Variants in SOWAHA observed in about 807,000 individuals in gnomAD.
The protein encoded by SOWAHA is ankyrin repeat domain-containing protein SOWAHA.
SOWAHA carries 17 observed loss-of-function variants against 21.1 expected under a neutral mutation model. The ratio of observed to expected loss-of-function variants is 0.80; its 90% CI spans 0.55 to 1.21. The LOEUF is 1.21. SOWAHA is among the 50% of genes most tolerant of loss of function. The pLI, the probability that SOWAHA is intolerant of heterozygous loss-of-function variation, is 0.00. For synonymous variants in SOWAHA, 422 were observed against 397.1 expected, an observed-to-expected ratio of 1.06 and a Z score of -0.75; for missense variants, 862 against 816.0, an observed-to-expected ratio of 1.06 and a Z score of -0.69.
Position 132,814,321 on chromosome 5 carries a change from G to T in SOWAHA, c.700G>T (p.Ala234Ser). 1 of 1,485,950 alleles carries T rather than the reference G, an allele frequency of 6.7e-7. No homozygotes were observed. The highest frequency in any genetic ancestry group is 1.3e-5 in the South Asian group (1 of 78,162). The allele number at this position is 1,485,950 out of a possible 1,614,324, so 92.0% of individuals were successfully genotyped here. ...GGCCCCCGCCACGCTCCGCCTCCGG[G>T]CGGAGGAGCCCGGCCTGCGCCGGCA... is the stretch of plus-strand genomic sequence containing the variant. ...VPAPATLRLR[A>S]EEPGLRRQLS... Residue 234 changes from alanine to serine, a missense_variant, in exon 1 of 1, where the codon GCG becomes TCG. Coordinates refer to ENST00000378693, the MANE Select transcript of SOWAHA (RefSeq NM_175873.6).
In SOWAHA at chr5:132,814,691, G is replaced by T; in HGVS notation, c.1070G>T (p.Gly357Val). The T allele has an allele frequency of 1.3e-6, 2 of 1,513,608 alleles. No homozygotes were observed. Among genetic ancestry groups the T allele is most frequent in the Non-Finnish European group, 8.8e-7 (1 of 1,134,990 alleles). 93.8% of individuals were successfully genotyped at this position (1,513,608 alleles called of 1,614,324 possible). Residue 357 changes from glycine (G) to valine (V), a missense_variant, in exon 1 of 1, where the codon GGC (glycine) becomes GTC (valine). By Grantham distance (109) the Gly-to-Val change is moderately radical. Coordinates refer to ENST00000378693, the MANE Select transcript of SOWAHA (RefSeq NM_175873.6). Reference protein sequence around the residue: ...FTALHWAAKSGDGEMALQLVE... With the variant: ...FTALHWAAKSVDGEMALQLVE... ...GCCCTGCATTGGGCCGCCAAGAGCG[G>T]CGACGGCGAGATGGCGCTGCAGCTG...
chr5:132,814,726 G>T lies in SOWAHA; in HGVS notation c.1105G>T (p.Ala369Ser), dbSNP rs369296792. The T allele has an allele frequency of 2.2e-5, 33 of 1,513,216 alleles. No homozygotes were observed. The East Asian group carries it at 8.2e-4, about 38-fold the overall frequency. 93.7% of individuals were successfully genotyped at this position (1,513,216 alleles called of 1,614,324 possible). A position where few individuals can be genotyped will look rare whatever the true frequency, so the allele number is the denominator to read the frequency against. The change falls in exon 1 of 1, where the codon GCG becomes TCG. Residue 369 changes from alanine (A) to serine (S), a missense_variant. Ala to Ser is a moderately conservative substitution (Grantham distance 99). Coordinates refer to ENST00000378693, the MANE Select transcript of SOWAHA (RefSeq NM_175873.6). ...GATGGCGCTGCAGCTGGTGGAGGTC[G>T]CGCGGCGCAGTGGCGCACCAGTCGA... ...GEMALQLVEV[A>S]RRSGAPVDVN...
At position 132,813,815 on chromosome 5, in the gene SOWAHA, TGGCGGTGG is replaced by T. The variant is rs770079696; in HGVS notation, c.195_202del (p.Ala66GlufsTer101). On this transcript the variant is annotated frameshift_variant, in exon 1 of 1. Transcript: ENST00000378693. LOFTEE classifies it high-confidence loss of function. The stretch of plus-strand genomic sequence containing the variant: ...CGCTTCAAGCAGTTCGTCAACAACG[TGGCGGTGG>T]TGAAGGAGCTCGACGGCGTCAAGTT... 6.5e-7 allele frequency: 1 copy of T among 1,549,124 alleles called. No individual in the cohort carries two copies. The highest frequency in any genetic ancestry group is 8.7e-7 in the Non-Finnish European group (1 of 1,146,332).
At position 132,813,806 on chromosome 5, in the gene SOWAHA, TCAA is replaced by T. The variant is rs1377279583; in HGVS notation, c.190_192del (p.Asn64del). 1.3e-6 allele frequency: 2 copies of T among 1,549,198 alleles called. No individual in the cohort carries two copies. The highest frequency in any genetic ancestry group is 1.7e-6 in the Non-Finnish European group (2 of 1,146,292). On this transcript the variant is annotated inframe_deletion, in exon 1 of 1. Transcript: ENST00000378693. The stretch of plus-strand genomic sequence containing the variant: ...CGCAGGGACCGCTTCAAGCAGTTCG[TCAA>T]CAACGTGGCGGTGGTGAAGGAGCTC...
rs1203908375 is a variant in SOWAHA, at chr5:132,814,077, C to G, written c.456C>G (p.Pro152=). The part of the protein sequence containing the change: ...QDTPGGPASE[P]AQPPGERSAD... ...CCCCGGGGGGGCCGGCCTCCGAGCC[C>G]GCTCAGCCGCCCGGGGAGCGGTCCG... Residue 152 remains proline (P), a synonymous_variant, in exon 1 of 1, where the codon CCC becomes CCG. Coordinates refer to ENST00000378693, the MANE Select transcript of SOWAHA (RefSeq NM_175873.6). The G allele has an allele frequency of 6.3e-7, 1 of 1,581,976 alleles. No homozygotes were observed. The highest frequency in any genetic ancestry group is 8.5e-7 in the Non-Finnish European group (1 of 1,170,274).
In SOWAHA at chr5:132,815,627, C is replaced by T. The variant is rs1019019634; in HGVS notation, c.*356C>T. On this transcript the variant is annotated 3_prime_UTR_variant, in exon 1 of 1. Coordinates refer to ENST00000378693, the MANE Select transcript of SOWAHA (RefSeq NM_175873.6). The stretch of plus-strand genomic sequence containing the variant: ...GCAGCTACACAATCCCAAGACAGAG[C>T]TAGAGCAAGGGTCTCTTTAAATGTT... 7 of 212,284 alleles carry T rather than the reference C, an allele frequency of 3.3e-5. No individual in the cohort carries two copies. Among genetic ancestry groups the T allele is most frequent in the African/African-American group, 1.4e-4 (6 of 43,182 alleles). 13.2% of individuals were successfully genotyped at this position (212,284 alleles called of 1,614,324 possible).
At position 132,814,516 on chromosome 5, in the gene SOWAHA, G is replaced by GCGC; in HGVS notation, c.904_906dup (p.Pro302dup). 1 of 1,369,294 alleles carries GCGC rather than the reference G, an allele frequency of 7.3e-7. No homozygotes were observed. Among genetic ancestry groups the GCGC allele is most frequent in the Non-Finnish European group, 9.3e-7 (1 of 1,072,672 alleles). 84.8% of individuals were successfully genotyped at this position (1,369,294 alleles called of 1,614,324 possible). Reference sequence around the variant, plus strand: ...CCCTGACGCCGAGGAGTTGCCCGCCGCGCCGCCGCCGTCCGCGGTGCCCCT... The same window carrying GCGC: ...CCCTGACGCCGAGGAGTTGCCCGCCGCGCCGCCGCCGCCGTCCGCGGTGCCCCT... On this transcript the variant is annotated inframe_insertion, in exon 1 of 1. Coordinates refer to ENST00000378693, the MANE Select transcript of SOWAHA (RefSeq NM_175873.6).
Position 132,814,261 on chromosome 5 carries a change from C to T in SOWAHA, c.640C>T (p.Gln214Ter). The change falls in exon 1 of 1, where the codon CAG becomes TAG. Residue 214 changes from glutamine (Q) to a stop codon, truncating the protein, a stop_gained. Transcript: ENST00000378693. LOFTEE classifies it high-confidence loss of function. ...GPGAAKGPPQ[Q>*]KPCMLPVRCV... ...CGGGGCAGCGAAAGGGCCGCCGCAG[C>T]AGAAGCCCTGTATGCTGCCGGTGCG... The T allele has an allele frequency of 6.5e-7, 1 of 1,529,058 alleles. No individual in the cohort carries two copies. 94.7% of individuals were successfully genotyped at this position (1,529,058 alleles called of 1,614,324 possible).
At position 132,814,464 on chromosome 5, in the gene SOWAHA, G is replaced by A. The variant is rs1043119032; in HGVS notation, c.843G>A (p.Leu281=). ...GPGRSPHLRR[L]SRAGPRLLSP... ...GCCGCTCCCCGCACCTGAGGCGCCT[G>A]TCGCGCGCCGGCCCGCGTCTGCTGA... Residue 281 remains leucine (L), a synonymous_variant, in exon 1 of 1, where the codon CTG becomes CTA. Transcript: ENST00000378693. 3 of 1,448,462 alleles carry A rather than the reference G, an allele frequency of 2.1e-6. No homozygotes were observed. The highest frequency in any genetic ancestry group is 2.7e-6 in the Non-Finnish European group (3 of 1,108,516). The allele number at this position is 1,448,462 out of a possible 1,614,324, so 89.7% of individuals were successfully genotyped here.
At position 132,814,416 on chromosome 5, in the gene SOWAHA, T is replaced by G; in HGVS notation, c.795T>G (p.Gly265=). The G allele has an allele frequency of 6.7e-7, 1 of 1,484,362 alleles. No homozygotes were observed. The allele number at this position is 1,484,362 out of a possible 1,614,324, so 91.9% of individuals were successfully genotyped here. A position where few individuals can be genotyped will look rare whatever the true frequency, so the allele number is the denominator to read the frequency against. Residue 265 remains glycine (G), a synonymous_variant, in exon 1 of 1, where the codon GGT becomes GGG. Coordinates refer to ENST00000378693, the MANE Select transcript of SOWAHA (RefSeq NM_175873.6). ...LLRRLSVEES[G]LGLGLGPGRS... is the part of the protein sequence containing the mutation. ...GGCGGCTCTCGGTGGAAGAGTCCGG[T>G]CTGGGCCTCGGCCTGGGCCCGGGCC...
Position 132,814,960 on chromosome 5 carries a change from A to C in SOWAHA, c.1339A>C (p.Thr447Pro). The C allele has an allele frequency of 6.3e-7, 1 of 1,582,094 alleles. No homozygotes were observed. The highest frequency in any genetic ancestry group is 1.1e-5 in the South Asian group (1 of 87,086). ...TGGCGATCCAGGCCTGCGAGGCACC[A>C]CGGAGCCAGATGCGACCGGTGGTGG... ...LLGDPGLRGT[T>P]EPDATGGGSG... The change falls in exon 1 of 1, where the codon ACG becomes CCG. Residue 447 changes from threonine (T) to proline (P), a missense_variant. By Grantham distance (38) the Thr-to-Pro change is conservative. Transcript: ENST00000378693.
In SOWAHA at chr5:132,814,454, T is replaced by C. The variant is rs1435219158; in HGVS notation, c.833T>C (p.Leu278Pro). Residue 278 changes from leucine (L) to proline (P), a missense_variant, in exon 1 of 1, where the codon CTG (leucine) becomes CCG (proline). By Grantham distance (98) the Leu-to-Pro change is moderately conservative. Transcript: ENST00000378693. ...CTGGGCCCGGGCCGCTCCCCGCACC[T>C]GAGGCGCCTGTCGCGCGCCGGCCCG... ...LGLGPGRSPH[L>P]RRLSRAGPRL... 1 of 1,455,708 alleles carries C rather than the reference T, an allele frequency of 6.9e-7. No individual in the cohort carries two copies. 90.2% of individuals were successfully genotyped at this position (1,455,708 alleles called of 1,614,324 possible). A position where few individuals can be genotyped will look rare whatever the true frequency, so the allele number is the denominator to read the frequency against.
rs1371222328 is a variant in SOWAHA, at chr5:132,814,310, T to C, written c.689T>C (p.Leu230Pro). The change falls in exon 1 of 1, where the codon CTC becomes CCC. Residue 230 changes from leucine to proline, a missense_variant. Leu to Pro is a moderately conservative substitution (Grantham distance 98). Coordinates refer to ENST00000378693, the MANE Select transcript of SOWAHA (RefSeq NM_175873.6). ...CGCTGCGTCCCGGCCCCCGCCACGC[T>C]CCGCCTCCGGGCGGAGGAGCCCGGC... ...PVRCVPAPAT[L>P]RLRAEEPGLR... 8 of 1,487,114 alleles carry C rather than the reference T, an allele frequency of 5.4e-6. No homozygotes were observed. The highest frequency in any genetic ancestry group is 7.1e-6 in the Non-Finnish European group (8 of 1,127,764). The allele number at this position is 1,487,114 out of a possible 1,614,324, so 92.1% of individuals were successfully genotyped here. A position where few individuals can be genotyped will look rare whatever the true frequency, so the allele number is the denominator to read the frequency against.
chr5:132,813,568 C>G lies in SOWAHA; in HGVS notation c.-54C>G, dbSNP rs1758325543. On this transcript the variant is annotated 5_prime_UTR_variant, in exon 1 of 1. Transcript: ENST00000378693. ...TCCCGGAACCCCGCTCCCGCGCGTC[C>G]CGCGGCGACGCGGCGCCCACCCGCC... 15 of 1,136,122 alleles carry G rather than the reference C, an allele frequency of 1.3e-5. No homozygotes were observed. Among genetic ancestry groups the G allele is most frequent in the Non-Finnish European group, 1.5e-5 (14 of 920,604 alleles). 70.4% of individuals were successfully genotyped at this position (1,136,122 alleles called of 1,614,324 possible).
In SOWAHA at chr5:132,814,882, C is replaced by T; in HGVS notation, c.1261C>T (p.Arg421Cys). The change falls in exon 1 of 1, where the codon CGC (arginine) becomes TGC (cysteine). Residue 421 changes from arginine to cysteine, a missense_variant. Transcript: ENST00000378693. The stretch of plus-strand genomic sequence containing the variant: ...GCACGTGCGTGATCACAGCGGGCGT[C>T]GCGCCTACCAGTACCTGCGGCCCGG... ...QVHVRDHSGR[R>C]AYQYLRPGSS... 6.5e-7 allele frequency: 1 copy of T among 1,536,950 alleles called. No individual in the cohort carries two copies. The highest frequency in any genetic ancestry group is 1.2e-5 in the South Asian group (1 of 83,740).
chr5:132,814,722 G>C lies in SOWAHA; in HGVS notation c.1101G>C (p.Glu367Asp). 1 of 1,512,432 alleles carries C rather than the reference G, an allele frequency of 6.6e-7. No homozygotes were observed. The highest frequency in any genetic ancestry group is 8.8e-7 in the Non-Finnish European group (1 of 1,134,736). 93.7% of individuals were successfully genotyped at this position (1,512,432 alleles called of 1,614,324 possible). A position where few individuals can be genotyped will look rare whatever the true frequency, so the allele number is the denominator to read the frequency against. Residue 367 changes from glutamate to aspartate, a missense_variant, in exon 1 of 1, where the codon GAG becomes GAC. Coordinates refer to ENST00000378693, the MANE Select transcript of SOWAHA (RefSeq NM_175873.6). ...GCGAGATGGCGCTGCAGCTGGTGGA[G>C]GTCGCGCGGCGCAGTGGCGCACCAG... ...GDGEMALQLV[E>D]VARRSGAPVD...
In SOWAHA at chr5:132,814,998, T is replaced by G; in HGVS notation, c.1377T>G (p.Leu459=). The G allele has an allele frequency of 3.8e-6, 6 of 1,597,608 alleles. No homozygotes were observed. The highest frequency in any genetic ancestry group is 5.1e-6 in the Non-Finnish European group (6 of 1,172,876). The change falls in exon 1 of 1, where the codon CTT becomes CTG. Residue 459 remains leucine (L), a synonymous_variant. Coordinates refer to ENST00000378693, the MANE Select transcript of SOWAHA (RefSeq NM_175873.6). ...CGACCGGTGGTGGAAGTGGCAGTCT[T>G]GCTGCCAGGCGCCCCGTACAGGTGG... ...PDATGGGSGS[L]AARRPVQVAA...
Position 132,815,361 on chromosome 5 carries a change from G to C in SOWAHA, c.*90G>C. 1 of 1,190,634 alleles carries C rather than the reference G, an allele frequency of 8.4e-7. No homozygotes were observed. The highest frequency in any genetic ancestry group is 1.2e-6 in the Non-Finnish European group (1 of 853,250). The allele number at this position is 1,190,634 out of a possible 1,614,324, so 73.8% of individuals were successfully genotyped here. A position where few individuals can be genotyped will look rare whatever the true frequency, so the allele number is the denominator to read the frequency against. ...AAGACTGCAGCCCAATCAACGCCTG[G>C]AGCCTCATTCTGTTTCCAGCTTTGT... On this transcript the variant is annotated 3_prime_UTR_variant, in exon 1 of 1. Coordinates refer to ENST00000378693, the MANE Select transcript of SOWAHA (RefSeq NM_175873.6).
rs918103833 is a variant in SOWAHA, at chr5:132,816,111, G to A, written c.*840G>A. On this transcript the variant is annotated 3_prime_UTR_variant, in exon 1 of 1. Transcript: ENST00000378693. ...GTTGTCTCCATCATGAAATAGAAAC[G>A]TGTTTGGCACTTGTGGGTGGCTATT... 3 of 167,044 alleles carry A rather than the reference G, an allele frequency of 1.8e-5. No individual in the cohort carries two copies. Among genetic ancestry groups the A allele is most frequent in the East Asian group, 1.9e-4 (1 of 5,208 alleles). The allele number at this position is 167,044 out of a possible 1,614,324, so 10.3% of individuals were successfully genotyped here.
Sources: gnomAD v4.1 joint callset for allele counts on GRCh38, gnomAD v4.1.1 for gene constraint, MANE v1.5 for transcripts, NCBI Gene and HGNC (gene_info 2026-07-23, HGNC 2026-07-21) for gene names.